Variants in ATP8A1 observed in about 807,000 individuals in gnomAD.
ATP8A1 encodes ATPase phospholipid transporting 8A1, also known as phospholipid-transporting ATPase IA.
Under a neutral mutation model 177.7 loss-of-function variants are expected in ATP8A1, and 90 were observed. The ratio of observed to expected loss-of-function variants is 0.51; its 90% CI spans 0.43 to 0.60. ATP8A1 has a LOEUF of 0.60. Among genes scored for constraint, ATP8A1 ranks in the 20% least tolerant of loss-of-function variants. The probability of loss-of-function intolerance (pLI) is 0.00; values close to 1 mark genes in which losing one functional copy is unlikely to be tolerated. For missense variants in ATP8A1, 1,072 were observed against 1,392.8 expected (o/e 0.77, Z 3.67); for synonymous variants, 493 against 485.9 (o/e 1.01, Z -0.19).
intron 1 of ATP8A1, among the ~76,000 whole-genome samples, chr4:42,636,156 A>ACACGCGCGTGCGCGCGCG (rs565139270): frequency 0.15 from 13,673 of 90,744 alleles, 774 homozygotes; most frequent in Non-Finnish European, 0.19. Flanking sequence ...ACACACACAC[A>ACACGCGCGTGCGCGCGCG]CGCACACACA....
At chr4:42,494,026 A>AC (rs1466832995) in intron 24 of ATP8A1, among the ~76,000 whole-genome samples, 1 of 151,444 alleles carries the variant, frequency 6.6e-6, no homozygotes, top group Non-Finnish European at 1.5e-5. Context: ...ACATGGTGAA[A>AC]CCCCTTCTCT....
chr4:42,618,631 G>A (rs1361038806), intron 4 of ATP8A1, among the ~76,000 whole-genome samples: 1 of 152,054 alleles, frequency 6.6e-6, no homozygotes, highest in Non-Finnish European at 1.5e-5. Flanking sequence ...ACTAAACACT[G>A]ACTATGTGCC....
chr4:42,602,261 T>C (rs1196793506), intron 5 of ATP8A1, among the ~76,000 whole-genome samples: 1 of 152,184 alleles, frequency 6.6e-6, no homozygotes, highest in Non-Finnish European at 1.5e-5. Context: ...AATTGATCAC[T>C]GGATCCTGAA....
intron 22 of ATP8A1, among the ~76,000 whole-genome samples, chr4:42,518,591 T>G (rs941241279): frequency 6.6e-6 from 1 of 152,170 alleles, no homozygotes; most frequent in Admixed American, 6.6e-5. Flanking sequence ...AGGCAATGTT[T>G]GCTTGGAAAA....
intron 4 of ATP8A1, among the ~76,000 whole-genome samples, chr4:42,623,085 G>A (rs570668707): frequency 2.7e-5 from 4 of 150,532 alleles, no homozygotes; most frequent in South Asian, 2.1e-4. Flanking sequence ...GCCAGCAAAC[G>A]TTGAAAAAAA....
chr4:42,623,009 C>CAAAA (rs200111147), intron 4 of ATP8A1, among the ~76,000 whole-genome samples: 1 of 116,140 alleles, frequency 8.6e-6, no homozygotes, highest in African/African-American at 3.3e-5. Flanking sequence ...AACTCTGTCT[C>CAAAA]AAAAAAAAAA....
At chr4:42,622,870 A>G (rs923734387) in intron 4 of ATP8A1, among the ~76,000 whole-genome samples, 27 of 152,212 alleles carry the variant, frequency 1.8e-4, no homozygotes, top group African/African-American at 6.5e-4. Context: ...TTAGCTGGGC[A>G]TGGTGGCGCA....
At chr4:42,469,375 T>C (rs1354503786) in intron 25 of ATP8A1, among the ~76,000 whole-genome samples, 2 of 152,140 alleles carry the variant, frequency 1.3e-5, no homozygotes, top group Admixed American at 6.5e-5. Flanking sequence ...GGTGTGAGCA[T>C]AGTGTGCTGT....
At chr4:42,465,146 G>A in intron 25 of ATP8A1, 70 bp from the exon 26 acceptor site, 1 of 1,368,982 alleles carries the variant, frequency 7.3e-7, no homozygotes, top group Admixed American at 2.1e-5. Context: ...TCGTGTTGAA[G>A]GATAAAAGAT....
At chr4:42,559,056 G>A (rs1730544103) in intron 15 of ATP8A1, among the ~76,000 whole-genome samples, 1 of 152,078 alleles carries the variant, frequency 6.6e-6, no homozygotes, top group South Asian at 2.1e-4. Flanking sequence ...GCACCAGCTG[G>A]TGGTGTGTAA....
chr4:42,436,465 C>T (rs138941583), intron 33 of ATP8A1, among the ~76,000 whole-genome samples: 1 of 152,348 alleles, frequency 6.6e-6, no homozygotes, highest in Non-Finnish European at 1.5e-5. Flanking sequence ...GTTTGTCATA[C>T]CCATGTCTCC....
chr4:42,495,820 G>A (rs1020158986), intron 24 of ATP8A1, among the ~76,000 whole-genome samples: 3 of 152,044 alleles, frequency 2.0e-5, no homozygotes, highest in Non-Finnish European at 2.9e-5. Context: ...AGAGGAAGGC[G>A]GCCCAACGAA....
chr4:42,616,459 G>C (rs1045281847), intron 4 of ATP8A1, among the ~76,000 whole-genome samples: 6 of 152,168 alleles, frequency 3.9e-5, no homozygotes, highest in African/African-American at 1.4e-4. Flanking sequence ...TTGCCTGAGA[G>C]AATTATCTAT....
chr4:42,498,072 G>A lies in ATP8A1; in HGVS notation c.2151+5378C>T, dbSNP rs183735831. ...CTGAAGCACCAATGCTGGCAGTGGAGGAAAACTCAGTGTGGTTTAAAACTT... is the reference window on the plus strand; with the variant it reads ...CTGAAGCACCAATGCTGGCAGTGGAAGAAAACTCAGTGTGGTTTAAAACTT... On this transcript the variant is annotated intron_variant, in intron 24 of 36. Transcript: ENST00000381668. Among the ~76,000 whole-genome samples the A allele has an allele frequency of 3.9e-5, 6 of 152,326 alleles. No individual in the cohort carries two copies. In the East Asian group the frequency reaches 5.8e-4, roughly 15 times the overall value.
intron 6 of ATP8A1, among the ~76,000 whole-genome samples, chr4:42,594,590 T>C (rs1429469787): frequency 6.6e-6 from 1 of 152,082 alleles, no homozygotes; most frequent in Non-Finnish European, 1.5e-5. Context: ...CTTGATAAAA[T>C]CAATCTATTC....
chr4:42,595,333 C>T (rs892089950), intron 6 of ATP8A1, among the ~76,000 whole-genome samples: 1 of 152,154 alleles, frequency 6.6e-6, no homozygotes, highest in African/African-American at 2.4e-5. Context: ...ACTGCAGAGG[C>T]AGCCCACTGC....
At chr4:42,591,822 T>A (rs1019948392) in intron 6 of ATP8A1, among the ~76,000 whole-genome samples, 1 of 152,134 alleles carries the variant, frequency 6.6e-6, no homozygotes, top group Non-Finnish European at 1.5e-5. Context: ...TCTTAGTAAT[T>A]AAAAATTAAA....
chr4:42,474,869 G>C (rs1465014929), intron 25 of ATP8A1, among the ~76,000 whole-genome samples: 1 of 151,332 alleles, frequency 6.6e-6, no homozygotes, highest in Non-Finnish European at 1.5e-5. Context: ...AACCAGCATA[G>C]GAAAATCTGA....
At chr4:42,507,729 CAAAAAA>C (rs34269384) in intron 22 of ATP8A1, among the ~76,000 whole-genome samples, 2 of 8,914 alleles carry the variant, frequency 2.2e-4, no homozygotes, top group African/African-American at 4.9e-4. Context: ...GACTCCATCT[CAAAAAA>C]AAAAAAAAAA....
Sources: allele counts gnomAD v4.1 joint callset (sites outside exome capture counted in the v4.1 genomes callset), GRCh38; gene constraint gnomAD v4.1.1; transcripts MANE v1.5; gene names NCBI Gene and HGNC (gene_info 2026-07-23, HGNC 2026-07-21).